SYNPO2: variants seen among roughly 807,000 people sequenced by gnomAD.
SYNPO2 encodes synaptopodin 2.
In SYNPO2, 56 loss-of-function variants were observed where a neutral mutation model predicts 85.0. The observed-to-expected ratio is 0.66, with a 90% CI of 0.53 to 0.82. The LOEUF (loss-of-function observed/expected upper bound fraction) is 0.82, where lower values mean the gene tolerates loss of function less well. SYNPO2 is among the 40% of genes least tolerant of loss of function. The pLI is 0.00. For missense variants in SYNPO2, 1,575 were observed against 1,534.2 expected (o/e 1.03, Z -0.44); for synonymous variants, 602 against 591.1 (o/e 1.02, Z -0.27).
intron 1 of SYNPO2, among the ~76,000 whole-genome samples, chr4:118,897,706 G>A (rs1732593610): frequency 6.6e-6 from 1 of 152,190 alleles, no homozygotes; most frequent in African/African-American, 2.4e-5. Flanking sequence ...GCACAAAGAG[G>A]TTAAGTGACT....
intron 1 of SYNPO2, among the ~76,000 whole-genome samples, chr4:119,016,314 G>T (rs1171566942): frequency 2.0e-5 from 3 of 152,020 alleles, no homozygotes; most frequent in African/African-American, 7.2e-5. Context: ...CTACTTGGGA[G>T]GCTGAGGCAG....
intron 4 of SYNPO2, chr4:119,036,871 A>C (rs1561016545): frequency 1.1e-5 from 13 of 1,146,198 alleles, no homozygotes; most frequent in Non-Finnish European, 1.3e-5. Flanking sequence ...GTCCTGTCAA[A>C]CATTTCTCAA....
intron 1 of SYNPO2, among the ~76,000 whole-genome samples, chr4:118,864,612 C>T (rs922951062): frequency 2.0e-5 from 3 of 152,070 alleles, no homozygotes; most frequent in Non-Finnish European, 2.9e-5. Context: ...TTTATATATC[C>T]GGGTGCGTGC....
At chr4:119,032,608 GTA>G in intron 4 of SYNPO2, 1 of 992,508 alleles carries the variant, frequency 1.0e-6, no homozygotes, top group Non-Finnish European at 1.2e-6. Context: ...TTGTTGGAAT[GTA>G]TATAGTTTAG....
intron 1 of SYNPO2, among the ~76,000 whole-genome samples, chr4:118,879,559 A>T (rs1439208965): frequency 6.6e-6 from 1 of 152,188 alleles, no homozygotes; most frequent in Non-Finnish European, 1.5e-5. Flanking sequence ...CACTCAGCAG[A>T]CAGTGGACCT....
chr4:118,867,812 A>T (rs578059427), intron 1 of SYNPO2, among the ~76,000 whole-genome samples: 1 of 152,290 alleles, frequency 6.6e-6, no homozygotes, highest in South Asian at 2.1e-4. Context: ...CTTTAGATCT[A>T]AAGCAAAGTA....
Position 119,023,468 on chromosome 4 carries a change from TG to T in SYNPO2, c.145del (p.Glu49ArgfsTer28). ...QSKASGSGLC[E>X]GDEVVSINGN... ...GCAAAGCCTCTGGGTCTGGGCTCTG[TG>T]AGGGAGATGAAGTGGTTTCCATCAA... On this transcript the variant is annotated frameshift_variant, in exon 2 of 5. Transcript: ENST00000307142. LOFTEE classifies it high-confidence loss of function. 1 of 1,613,894 alleles carries T rather than the reference TG, an allele frequency of 6.2e-7. No individual in the cohort carries two copies. Among genetic ancestry groups the T allele is most frequent in the Non-Finnish European group, 8.5e-7 (1 of 1,179,858 alleles).
At chr4:119,032,510 G>A (rs1251590701) in intron 4 of SYNPO2, 7 of 1,009,414 alleles carry the variant, frequency 6.9e-6, no homozygotes, top group Non-Finnish European at 8.3e-6. Context: ...AGTGTTAAAG[G>A]AATAAGGAAT....
At chr4:118,935,913 G>A (rs1734084721) in intron 1 of SYNPO2, among the ~76,000 whole-genome samples, 1 of 152,200 alleles carries the variant, frequency 6.6e-6, no homozygotes, top group Non-Finnish European at 1.5e-5. Context: ...CAGTCTTCAT[G>A]TTGCGTAGGA....
At chr4:118,973,528 T>C (rs527984769) in intron 1 of SYNPO2, among the ~76,000 whole-genome samples, 1 of 152,256 alleles carries the variant, frequency 6.6e-6, no homozygotes, top group Non-Finnish European at 1.5e-5. Flanking sequence ...ACCATAAAAA[T>C]TTCCCTTCAC....
chr4:119,019,811 G>A (rs1485892766), intron 1 of SYNPO2, among the ~76,000 whole-genome samples: 15 of 152,176 alleles, frequency 9.9e-5, no homozygotes, highest in Admixed American at 9.8e-4. Flanking sequence ...TTCCCTCAGA[G>A]TTGGTACCCT....
intron 1 of SYNPO2, among the ~76,000 whole-genome samples, chr4:118,891,287 A>G (rs1028228268): frequency 1.3e-5 from 2 of 152,170 alleles, no homozygotes; most frequent in Non-Finnish European, 2.9e-5. Flanking sequence ...ATAGATTTTA[A>G]AATATCATTA....
At chr4:118,977,313 C>A (rs1207735251) in intron 1 of SYNPO2, among the ~76,000 whole-genome samples, 1 of 152,208 alleles carries the variant, frequency 6.6e-6, no homozygotes, top group Non-Finnish European at 1.5e-5. Flanking sequence ...CCCCATTGCC[C>A]GAGGCCGCAG....
chr4:118,949,354 T>C (rs1448044503), intron 1 of SYNPO2, among the ~76,000 whole-genome samples: 1 of 152,194 alleles, frequency 6.6e-6, no homozygotes, highest in African/African-American at 2.4e-5. Context: ...CCCTATGAAA[T>C]TGCTGCTATG....
intron 1 of SYNPO2, among the ~76,000 whole-genome samples, chr4:118,960,789 C>T (rs1030257372): frequency 5.3e-5 from 8 of 152,138 alleles, no homozygotes; most frequent in African/African-American, 1.9e-4. Flanking sequence ...TACTCCATGG[C>T]TCCAGGAGAG....
rs540017886 is a variant in SYNPO2, at chr4:119,030,850, C to T, written c.2075C>T (p.Thr692Met). 10 of 1,614,094 alleles carry T rather than the reference C, an allele frequency of 6.2e-6. No homozygotes were observed. Among genetic ancestry groups the T allele is most frequent in the Non-Finnish European group, 8.5e-6 (10 of 1,180,022 alleles). ...GILQEAKRRSTTKPMFTFKEP... is the reference protein window; with the variant it reads ...GILQEAKRRSMTKPMFTFKEP... ...TTGCAGGAGGCCAAAAGGAGAAGCA[C>T]GACAAAACCCATGTTTACTTTTAAA... Residue 692 changes from threonine (T) to methionine (M), a missense_variant, in exon 4 of 5, where the codon ACG becomes ATG. Around this residue, in one of 3 missense-constraint regions of SYNPO2, gnomAD observed 1,508 missense variants for 1,446.8 expected, o/e 1.04. Transcript: ENST00000307142.
Position 119,033,077 on chromosome 4 carries a change from G to A in SYNPO2, c.3252+1050G>A, listed in dbSNP as rs143490273. On this transcript the variant is annotated intron_variant, in intron 4 of 4. Transcript: ENST00000307142. ...ATGTAAAAGGCAGGACGCACATAAAGGTGTACATGGCTATTGTTTCACCTG... is the reference window on the plus strand; with the variant it reads ...ATGTAAAAGGCAGGACGCACATAAAAGTGTACATGGCTATTGTTTCACCTG... The A allele has an allele frequency of 5.4e-4, 536 of 985,254 alleles. 6 individuals carry two copies. The African/African-American group carries it at 8.9e-3, about 16-fold the overall frequency. 61.0% of individuals were successfully genotyped at this position (985,254 alleles called of 1,614,324 possible).
At chr4:119,000,973 G>A (rs977434348) in intron 1 of SYNPO2, among the ~76,000 whole-genome samples, 30 of 152,174 alleles carry the variant, frequency 2.0e-4, no homozygotes, top group African/African-American at 7.0e-4. Flanking sequence ...TATGAGTGCA[G>A]TGAAGTGAAG....
rs1412095426 is a variant in SYNPO2, at chr4:118,916,534, A to G, written c.105+27393A>G. ...GTTAGAGAAATCTTTTGCTACTCCA[A>G]GTCTAAGAAATATAAACCTATTACT... On this transcript the variant is annotated intron_variant, in intron 1 of 4. Coordinates refer to ENST00000307142, the MANE Select transcript of SYNPO2 (RefSeq NM_133477.3). Among the ~76,000 whole-genome samples, 4 of 146,758 alleles carry G rather than the reference A, an allele frequency of 2.7e-5. No individual in the cohort carries two copies. In the East Asian group the frequency reaches 7.9e-4, roughly 29 times the overall value.
Sources: allele counts gnomAD v4.1 joint callset (sites outside exome capture counted in the v4.1 genomes callset), GRCh38; gene constraint gnomAD v4.1.1; regional missense constraint gnomAD v4.1.1; transcripts MANE v1.5; gene names NCBI Gene and HGNC (gene_info 2026-07-23, HGNC 2026-07-21).